RPL9: variants seen among roughly 807,000 people sequenced by gnomAD.
The protein encoded by RPL9 is ribosomal protein L9, also known as large ribosomal subunit protein uL6.
For synonymous variants in RPL9, 82 were observed against 77.1 expected (o/e 1.06, Z -0.33); for missense variants, 149 against 236.7 (o/e 0.63, Z 2.43).
rs761180240 is a variant in RPL9, at chr4:39,458,366, T to G, written c.46+28A>C. On this transcript the variant is annotated intron_variant, in intron 2 of 7. Coordinates refer to ENST00000295955, the MANE Select transcript of RPL9 (RefSeq NM_000661.5). ...CAACGCTTGGAACGTGCAGTAAAGA[T>G]GTAAGTAAAAGACATCAAGTCTCAT... 1.9e-6 allele frequency: 3 copies of G among 1,614,024 alleles called. No homozygotes were observed. The South Asian group carries it at 3.3e-5, about 18-fold the overall frequency.
chr4:39,455,590 G>A (rs776201996), intron 5 of RPL9, among the ~76,000 whole-genome samples: 15 of 151,722 alleles, frequency 9.9e-5, no homozygotes, highest in Non-Finnish European at 1.6e-4. Flanking sequence ...CCTGGGCAAC[G>A]TGGCGAAACA....
At chr4:39,458,701 A>G in intron 1 of RPL9, 190 bp downstream of exon 1, 1 of 629,890 alleles carries the variant, frequency 1.6e-6, no homozygotes, top group Non-Finnish European at 2.8e-6. Context: ...TCCCGGCAAG[A>G]CTGAGGGGCG....
At chr4:39,457,519 G>A (rs565620911) in intron 4 of RPL9, 67 bp downstream of exon 4, 16 of 1,270,186 alleles carry the variant, frequency 1.3e-5, no homozygotes, top group South Asian at 4.8e-5. Flanking sequence ...AGACACTTAC[G>A]CTGTATAAAG....
At chr4:39,455,193 A>G (rs996210402) in intron 5 of RPL9, 1 of 346,884 alleles carries the variant, frequency 2.9e-6, no homozygotes, top group Admixed American at 4.5e-5. Flanking sequence ...GTAAAAATAC[A>G]AAAAATTAGC....
At chr4:39,454,471 G>A in intron 7 of RPL9, 62 bp downstream of exon 7, 3 of 1,233,474 alleles carry the variant, frequency 2.4e-6, no homozygotes, top group Non-Finnish European at 2.3e-6. Flanking sequence ...AAGTCTTTTA[G>A]TAAATTAAGA....
Position 39,454,522 on chromosome 4 carries a change from T to G in RPL9, c.*10+11A>C, listed in dbSNP as rs530765321. On this transcript the variant is annotated intron_variant, in intron 7 of 7. Coordinates refer to ENST00000295955, the MANE Select transcript of RPL9 (RefSeq NM_000661.5). ...AGCAGTAATAAAACTTAAGACACTG[T>G]AAGAACTTACCTCTTAGATCTTATT... is the stretch of plus-strand genomic sequence containing the variant. The G allele has an allele frequency of 6.3e-7, 1 of 1,587,450 alleles. No homozygotes were observed. The highest frequency in any genetic ancestry group is 8.6e-7 in the Non-Finnish European group (1 of 1,162,002).
chr4:39,457,506 AAG>A, intron 4 of RPL9, 78 bp downstream of exon 4: 2 of 1,195,664 alleles, frequency 1.7e-6, no homozygotes, highest in South Asian at 2.5e-5. Flanking sequence ...CATTCTCTGA[AAG>A]AGACACTTAC....
chr4:39,456,968 C>T (rs1560660035), intron 4 of RPL9: 1 of 169,982 alleles, frequency 5.9e-6, no homozygotes, highest in African/African-American at 2.4e-5. Flanking sequence ...TACAGGGTGC[C>T]ATTATCAGGT....
chr4:39,458,200 T>C lies in RPL9; in HGVS notation c.156A>G (p.Lys52=). 1.2e-6 allele frequency: 2 copies of C among 1,614,126 alleles called. No individual in the cohort carries two copies. The highest frequency in any genetic ancestry group is 1.7e-6 in the Non-Finnish European group (2 of 1,179,972). ...NVELSLLGKK[K]KRLRVDKWWG... is the part of the protein sequence containing the mutation. ...TCAGAAGAAAAACCCTCACCCTCTT[T>C]TTTTTCTTTCCAAGAAGGCTGAGTT... Residue 52 remains lysine, a synonymous_variant, in exon 3 of 8, where the codon AAA becomes AAG. Transcript: ENST00000295955.
At chr4:39,455,507 T>C (rs909696730) in intron 5 of RPL9, among the ~76,000 whole-genome samples, 33 of 151,160 alleles carry the variant, frequency 2.2e-4, no homozygotes, top group African/African-American at 8.0e-4. Flanking sequence ...CTGGACAACA[T>C]AGCAAGACCC....
At chr4:39,456,962 G>C (rs1744110093) in intron 4 of RPL9, 1 of 173,256 alleles carries the variant, frequency 5.8e-6, no homozygotes, top group Non-Finnish European at 1.2e-5. Context: ...TAGATGTACA[G>C]GGTGCCATTA....
In RPL9 at chr4:39,454,885, T is replaced by G; in HGVS notation, c.451A>C (p.Ile151Leu). The change falls in exon 6 of 8, where the codon ATT (isoleucine) becomes CTT (leucine). Residue 151 changes from isoleucine to leucine, a missense_variant. Ile to Leu is a conservative substitution (Grantham distance 5, BLOSUM62 2). Transcript: ENST00000295955. ...KDELILEGND[I>L]ELVSNSAALI... is the part of the protein sequence containing the mutation. ...AAACCTGAATTTGAAACAAGCTCAA[T>G]GTCATTTCCTTCAAGGATTAATTCA... is the stretch of plus-strand genomic sequence containing the variant. The G allele has an allele frequency of 6.2e-7, 1 of 1,613,832 alleles. No individual in the cohort carries two copies.
At chr4:39,454,346 A>G in intron 7 of RPL9, 121 bp from the exon 8 acceptor site, 1 of 540,878 alleles carries the variant, frequency 1.8e-6, no homozygotes, top group Non-Finnish European at 3.3e-6. Flanking sequence ...TGACTTACTG[A>G]TTCATAGTAA....
chr4:39,455,571 T>C (rs1407021263), intron 5 of RPL9, among the ~76,000 whole-genome samples: 2 of 151,656 alleles, frequency 1.3e-5, no homozygotes, highest in African/African-American at 2.4e-5. Flanking sequence ...TAGCATTCCT[T>C]GAAATCAGCC....
intron 3 of RPL9, 120 bp from the exon 4 acceptor site, chr4:39,457,801 A>G: frequency 1.1e-6 from 1 of 899,230 alleles, no homozygotes. Flanking sequence ...ATGGTTTTCA[A>G]CTGGAAAAAT....
chr4:39,458,169 G>A (rs143714732), intron 3 of RPL9, 25 bp downstream of exon 3: 345 of 1,610,596 alleles, frequency 2.1e-4, no homozygotes, highest in Admixed American at 7.2e-4. Flanking sequence ...ACGAGCAACT[G>A]AATTATCAGA....
At position 39,458,619 on chromosome 4, in the gene RPL9, G is replaced by A. The variant is rs1406342640; in HGVS notation, c.-1-179C>T. 8 of 653,720 alleles carry A rather than the reference G, an allele frequency of 1.2e-5. No individual in the cohort carries two copies. In the African/African-American group the frequency reaches 1.3e-4, roughly 10 times the overall value. The allele number at this position is 653,720 out of a possible 1,614,324, so 40.5% of individuals were successfully genotyped here. On this transcript the variant is annotated intron_variant, in intron 1 of 7. Transcript: ENST00000295955. ...CCAGCCTGGAAGGAGCAGCCCCAAA[G>A]CGAGAATTACGAGGCCCAGCAGTCG...
rs1744093190 is a variant in RPL9, at chr4:39,456,516, G to A, written c.281C>T (p.Ser94Phe). ...GTTGATGGGGAAGTGAGCATACACA[G>A]ACCTCATCTTGTAACGGAAGCCCTA... ...VTLGFRYKMR[S>F]VYAHFPINVV... Residue 94 changes from serine to phenylalanine, a missense_variant, in exon 5 of 8, where the codon TCT becomes TTT. Coordinates refer to ENST00000295955, the MANE Select transcript of RPL9 (RefSeq NM_000661.5). 1 of 1,613,830 alleles carries A rather than the reference G, an allele frequency of 6.2e-7. No individual in the cohort carries two copies. The highest frequency in any genetic ancestry group is 1.7e-5 in the Admixed American group (1 of 59,988).
At chr4:39,455,623 C>T (rs529563169) in intron 5 of RPL9, among the ~76,000 whole-genome samples, 5 of 152,068 alleles carry the variant, frequency 3.3e-5, no homozygotes, top group East Asian at 1.9e-4. Context: ...AATCAAAAAT[C>T]AGCTGGATGT....
Sources: gnomAD v4.1 joint callset for allele counts (sites outside exome capture counted in the v4.1 genomes callset) on GRCh38, gnomAD v4.1.1 for gene constraint, MANE v1.5 for transcripts, NCBI Gene and HGNC (gene_info 2026-07-23, HGNC 2026-07-21) for gene names.